Variants in SRC observed in about 807,000 individuals in gnomAD.
The protein encoded by SRC is SRC proto-oncogene, non-receptor tyrosine kinase, also known as proto-oncogene tyrosine-protein kinase Src.
A neutral mutation model predicts 62.9 loss-of-function variants in SRC; 13 were observed. That is an observed-to-expected ratio of 0.21 (90% confidence interval 0.13 to 0.33). SRC has a LOEUF of 0.33. Among genes scored for constraint, SRC ranks in the 10% least tolerant of loss-of-function variants. The pLI, the probability that SRC is intolerant of heterozygous loss-of-function variation, is 1.00. For synonymous variants in SRC, 302 were observed against 317.5 expected, an observed-to-expected ratio of 0.95 and a Z score of 0.52; for missense variants, 457 against 737.3, an observed-to-expected ratio of 0.62 and a Z score of 4.40.
chr20:37,402,739 G>T lies in SRC; in HGVS notation c.1271-10G>T, dbSNP rs1262032987. 1 of 1,607,582 alleles carries T rather than the reference G, an allele frequency of 6.2e-7. No individual in the cohort carries two copies. On this transcript the variant is annotated splice_polypyrimidine_tract_variant and intron_variant, in intron 12 of 13. Coordinates refer to ENST00000373578, the MANE Select transcript of SRC (RefSeq NM_198291.3). This position sits in a 1 kb window ranked among gnomAD's most constrained non-coding sequence, Gnocchi z 6.2. ...GGTCAGAGCTGCCCTGACCTTTCTC[G>T]TTCCTGCAGGTGCCAAATTCCCCAT...
chr20:37,354,229 A>T (rs1003922661), intron 1 of SRC, among the ~76,000 whole-genome samples: 4 of 152,114 alleles, frequency 2.6e-5, no homozygotes, highest in Admixed American at 6.5e-5. Context: ...CTGAGAAGGG[A>T]CTCAATCAAG....
At chr20:37,390,692 A>G (rs1336338185) in intron 5 of SRC, among the ~76,000 whole-genome samples, 2 of 152,166 alleles carry the variant, frequency 1.3e-5, no homozygotes, top group Non-Finnish European at 2.9e-5. Context: ...GGCGTGAGCC[A>G]CCGTGCGCTG....
rs536761853 is a variant in SRC at position 37,356,751 on chromosome 20, G to A, written c.-246-8453G>A. On this transcript the variant is annotated intron_variant, in intron 1 of 13. Transcript: ENST00000373578. ...CCGACGTGGGTGAAGGGCTAGGCCTGATTGCCTCCATAAAGACCCCCTCTG... is the reference window on the plus strand; with the variant it reads ...CCGACGTGGGTGAAGGGCTAGGCCTAATTGCCTCCATAAAGACCCCCTCTG... Among the ~76,000 whole-genome samples the A allele has an allele frequency of 2.0e-5, 3 of 152,270 alleles. No homozygotes were observed. In the South Asian group the frequency reaches 6.2e-4, roughly 32 times the overall value.
rs2059529456 is a variant in SRC at position 37,405,538 on chromosome 20, C to A, written c.*2159C>A. ...GCACTAGTAGCTGGAGGGCTTCAGG[C>A]CAAGGCAGGGGTGACATCAGATTGG... On this transcript the variant is annotated 3_prime_UTR_variant, in exon 14 of 14. Coordinates refer to ENST00000373578, the MANE Select transcript of SRC (RefSeq NM_198291.3). 5.6e-6 allele frequency: 1 copy of A among 178,216 alleles called. No homozygotes were observed. Among genetic ancestry groups the A allele is most frequent in the African/African-American group, 2.4e-5 (1 of 42,266 alleles). 11.0% of individuals were successfully genotyped at this position (178,216 alleles called of 1,614,324 possible). A position where few individuals can be genotyped will look rare whatever the true frequency, so the allele number is the denominator to read the frequency against.
chr20:37,351,028 T>C lies in SRC; in HGVS notation c.-247+4773T>C, dbSNP rs1315959880. ...AGAGCTCTTGTCTTCGATCCAGGAC[T>C]CTCCCCAGCCAGCCAGCCTCCTCCT... On this transcript the variant is annotated intron_variant, in intron 1 of 13. Transcript: ENST00000373578. This position sits in a 1 kb window ranked among gnomAD's most constrained non-coding sequence, Gnocchi z 4.4. 6.6e-6 allele frequency among the ~76,000 whole-genome samples: 1 copy of C among 152,168 alleles called. No individual in the cohort carries two copies.
Position 37,400,308 on chromosome 20 carries a change from G to T in SRC, c.1039+14G>T, listed in dbSNP as rs375148262. The T allele has an allele frequency of 6.3e-7, 1 of 1,596,578 alleles. No homozygotes were observed. The highest frequency in any genetic ancestry group is 1.3e-5 in the African/African-American group (1 of 74,502). On this transcript the variant is annotated intron_variant, in intron 10 of 13. Transcript: ENST00000373578. The stretch of plus-strand genomic sequence containing the variant: ...ACATGAGCAAGGGTGAGTCCTGGGC[G>T]GCCGGGGCAGGGGGCAGGGGCACTC...
At chr20:37,359,522 AAAG>A (rs1205084925) in intron 1 of SRC, among the ~76,000 whole-genome samples, 1 of 152,172 alleles carries the variant, frequency 6.6e-6, no homozygotes, top group Non-Finnish European at 1.5e-5. Flanking sequence ...AGCTCACAAC[AAAG>A]GAGGGGAGGG....
chr20:37,390,694 C>T (rs572790667), intron 5 of SRC, among the ~76,000 whole-genome samples: 60 of 152,234 alleles, frequency 3.9e-4, no homozygotes, highest in Non-Finnish European at 8.4e-4. Context: ...CGTGAGCCAC[C>T]GTGCGCTGTC....
intron 1 of SRC, among the ~76,000 whole-genome samples, chr20:37,357,512 A>G (rs2069901917): frequency 6.6e-6 from 1 of 152,200 alleles, no homozygotes; most frequent in Admixed American, 6.5e-5. Context: ...CAAGCATCCC[A>G]GCTGTTCATT....
intron 5 of SRC, among the ~76,000 whole-genome samples, chr20:37,388,414 C>T (rs1431615109): frequency 6.6e-6 from 1 of 152,142 alleles, no homozygotes; most frequent in African/African-American, 2.4e-5. Flanking sequence ...GGGAGCCCCT[C>T]CTCATGTCAC....
chr20:37,403,100 C>G lies in SRC; in HGVS notation c.1403-71C>G, dbSNP rs1160051438. ...TCCTAGGCAGGAAGCCCTCGCTGCCCTCCCCATCAGCTTCCCCCACCCCAC... is the reference window on the plus strand; with the variant it reads ...TCCTAGGCAGGAAGCCCTCGCTGCCGTCCCCATCAGCTTCCCCCACCCCAC... On this transcript the variant is annotated intron_variant, in intron 13 of 13. Transcript: ENST00000373578. This position sits in a 1 kb window ranked among gnomAD's most constrained non-coding sequence, Gnocchi z 7.1. The G allele has an allele frequency of 4.2e-6, 6 of 1,444,372 alleles. No individual in the cohort carries two copies. Among genetic ancestry groups the G allele is most frequent in the Non-Finnish European group, 5.5e-6 (6 of 1,083,652 alleles). 89.5% of individuals were successfully genotyped at this position (1,444,372 alleles called of 1,614,324 possible).
Position 37,384,291 on chromosome 20 carries a change from C to T in SRC, c.138C>T (p.Gly46=). ...CCAGCAAGCCAGCCTCGGCCGACGG[C>T]CACCGCGGCCCCAGCGCGGCCTTCG... ...QTPSKPASAD[G]HRGPSAAFAP... Residue 46 remains glycine, a synonymous_variant, in exon 4 of 14, where the codon GGC becomes GGT. Transcript: ENST00000373578. This position sits in a 1 kb window ranked among gnomAD's most constrained non-coding sequence, Gnocchi z 6.7. 6.7e-7 allele frequency: 1 copy of T among 1,494,056 alleles called. No homozygotes were observed. The highest frequency in any genetic ancestry group is 8.8e-7 in the Non-Finnish European group (1 of 1,130,166). The allele number at this position is 1,494,056 out of a possible 1,614,324, so 92.5% of individuals were successfully genotyped here.
intron 2 of SRC, among the ~76,000 whole-genome samples, chr20:37,372,647 T>C (rs1317076229): frequency 6.6e-6 from 1 of 152,202 alleles, no homozygotes; most frequent in Non-Finnish European, 1.5e-5. Context: ...AGAACGTGTA[T>C]CTGCTGTTGT....
In SRC at chr20:37,404,818, A is replaced by G; in HGVS notation, c.*1439A>G. ...GTGTGGTGGATTCTCCCTGGGCCTC[A>G]GTGTGCCCATCTGTAAAGGGGCAGC... On this transcript the variant is annotated 3_prime_UTR_variant, in exon 14 of 14. Transcript: ENST00000373578. The G allele has an allele frequency of 4.3e-6, 1 of 233,640 alleles. No homozygotes were observed. The highest frequency in any genetic ancestry group is 8.5e-6 in the Non-Finnish European group (1 of 118,134). The allele number at this position is 233,640 out of a possible 1,614,324, so 14.5% of individuals were successfully genotyped here.
intron 3 of SRC, among the ~76,000 whole-genome samples, chr20:37,383,871 A>G (rs1001770104): frequency 1.7e-4 from 25 of 150,126 alleles, no homozygotes; most frequent in African/African-American, 6.1e-4. Context: ...AGCTGGGACT[A>G]CAGGCGCGTG....
chr20:37,401,159 G>T (rs2070731375), intron 10 of SRC, among the ~76,000 whole-genome samples: 1 of 151,870 alleles, frequency 6.6e-6, no homozygotes, highest in South Asian at 2.1e-4. Context: ...ATCCTGCCCA[G>T]CTACTTTTTT....
intron 7 of SRC, 59 bp downstream of exon 7, chr20:37,394,336 G>T: frequency 6.7e-7 from 1 of 1,502,414 alleles, no homozygotes. Context: ...TTTGAGCTGG[G>T]TGTTGTGGAA....
intron 2 of SRC, among the ~76,000 whole-genome samples, chr20:37,367,967 T>C (rs1019335592): frequency 9.9e-5 from 15 of 152,238 alleles, no homozygotes; most frequent in African/African-American, 3.6e-4. Flanking sequence ...GATACAAGTC[T>C]CTTGTCAGAT....
Position 37,396,933 on chromosome 20 carries a change from C to T in SRC, c.703+622C>T, listed in dbSNP as rs1040711434. ...GTCCACTCCCCACCCCGAGCCTCCT[C>T]CTCCTCTCAGCTTGGCCTCCTGACT... On this transcript the variant is annotated intron_variant, in intron 8 of 13. Coordinates refer to ENST00000373578, the MANE Select transcript of SRC (RefSeq NM_198291.3). This position sits in a 1 kb window ranked among gnomAD's most constrained non-coding sequence, Gnocchi z 6.1. Among the ~76,000 whole-genome samples, 1 of 152,110 alleles carries T rather than the reference C, an allele frequency of 6.6e-6. No individual in the cohort carries two copies. Among genetic ancestry groups the T allele is most frequent in the Admixed American group, 6.5e-5 (1 of 15,274 alleles).
Sources: allele counts gnomAD v4.1 joint callset (sites outside exome capture counted in the v4.1 genomes callset), GRCh38; gene constraint gnomAD v4.1.1; non-coding constraint Gnocchi (gnomAD v3.1); transcripts MANE v1.5; gene names NCBI Gene and HGNC (gene_info 2026-07-23, HGNC 2026-07-21).